FAM120B: variants seen among roughly 807,000 people sequenced by gnomAD.
FAM120B encodes family with sequence similarity 120 member B.
Under a neutral mutation model 96.3 loss-of-function variants are expected in FAM120B, and 83 were observed. The ratio of observed to expected loss-of-function variants is 0.86; its 90% CI spans 0.72 to 1.03. FAM120B has a LOEUF of 1.03. Among genes scored for constraint, FAM120B ranks in the 50% least tolerant of loss-of-function variants. The pLI is 0.00. For missense variants in FAM120B, 1,027 were observed against 1,121.2 expected (o/e 0.92, Z 1.20); for synonymous variants, 407 against 402.7 (o/e 1.01, Z -0.13).
chr6:170,380,629 G>C (rs889277355), intron 6 of FAM120B, among the ~76,000 whole-genome samples: 4 of 152,202 alleles, frequency 2.6e-5, no homozygotes, highest in African/African-American at 7.2e-5. Context: ...TATGCCTGCT[G>C]ACCATTTGTG....
In FAM120B at chr6:170,391,122, G is replaced by A; in HGVS notation, c.2599+1G>A. 1 of 1,610,232 alleles carries A rather than the reference G, an allele frequency of 6.2e-7. No individual in the cohort carries two copies. ...GCCCACTGGGGCTCACACCACGCAG[G>A]TGGGAAAGGGCCAGGTGCCTCTAGA... On this transcript the variant is annotated splice_donor_variant, in intron 8 of 10. Coordinates refer to ENST00000476287, the MANE Select transcript of FAM120B (RefSeq NM_032448.3). LOFTEE classifies it high-confidence loss of function.
chr6:170,388,393 G>C lies in FAM120B; in HGVS notation c.2390G>C (p.Ser797Thr). ...GCATGTGGCTTCCCCTGGAAGACGA[G>C]TGATTTCATGCCCTGGAATGTATTT... ...NSACGFPWKT[S>T]DFMPWNVFDG... The change falls in exon 7 of 11, where the codon AGT becomes ACT. Residue 797 changes from serine (S) to threonine (T), a missense_variant. This residue lies in a region of FAM120B where 880 missense variants were observed against 980.9 expected (regional missense o/e 0.90). Coordinates refer to ENST00000476287, the MANE Select transcript of FAM120B (RefSeq NM_032448.3). 1 of 1,614,168 alleles carries C rather than the reference G, an allele frequency of 6.2e-7. No homozygotes were observed. The highest frequency in any genetic ancestry group is 1.1e-5 in the South Asian group (1 of 91,078).
At chr6:170,403,896 A>G (rs1037248013) in intron 9 of FAM120B, among the ~76,000 whole-genome samples, 1 of 152,008 alleles carries the variant, frequency 6.6e-6, no homozygotes, top group African/African-American at 2.4e-5. Flanking sequence ...CGGAGCCCAC[A>G]CTTTTGGGGG....
At chr6:170,358,402 C>A in intron 6 of FAM120B, 84 bp downstream of exon 6, 1 of 999,354 alleles carries the variant, frequency 1.0e-6, no homozygotes, top group Non-Finnish European at 1.5e-6. Flanking sequence ...GTTGAAGTTT[C>A]ACAGAAAAGA....
chr6:170,355,828 G>A (rs1356547149), intron 5 of FAM120B, among the ~76,000 whole-genome samples: 1 of 152,184 alleles, frequency 6.6e-6, no homozygotes, highest in East Asian at 1.9e-4. Flanking sequence ...ATAATCTACA[G>A]GTGTCTGTAG....
intron 5 of FAM120B, among the ~76,000 whole-genome samples, chr6:170,352,202 A>C (rs1242063286): frequency 2.0e-5 from 3 of 152,248 alleles, no homozygotes; most frequent in Non-Finnish European, 4.4e-5. Flanking sequence ...AGTATTACAT[A>C]ATGGTAGAGG....
At chr6:170,351,169 G>A (rs1787550390) in intron 5 of FAM120B, among the ~76,000 whole-genome samples, 1 of 152,172 alleles carries the variant, frequency 6.6e-6, no homozygotes, top group Non-Finnish European at 1.5e-5. Flanking sequence ...AGTGTCAATA[G>A]CAGAATAGAC....
upstream of FAM120B, among the ~76,000 whole-genome samples, chr6:170,302,856 T>C (rs1784170998): frequency 6.6e-6 from 1 of 152,236 alleles, no homozygotes; most frequent in Non-Finnish European, 1.5e-5. Flanking sequence ...GTAACTCTTC[T>C]TGCTCTTGTT....
chr6:170,300,280 G>A (rs1352658613), intron 1 of FAM120B, among the ~76,000 whole-genome samples: 3 of 152,160 alleles, frequency 2.0e-5, no homozygotes, highest in Non-Finnish European at 2.9e-5. Flanking sequence ...GCAGAGCAAA[G>A]GACGGGAAAA....
chr6:170,340,135 G>A (rs769607079), intron 4 of FAM120B, among the ~76,000 whole-genome samples: 10 of 152,226 alleles, frequency 6.6e-5, no homozygotes, highest in East Asian at 1.9e-4. Flanking sequence ...CCAGTCCATC[G>A]TAGGTTTGGT....
Position 170,393,938 on chromosome 6 carries a change from C to G in FAM120B, c.2600-1549C>G, listed in dbSNP as rs1361076144. On this transcript the variant is annotated intron_variant, in intron 8 of 10. Transcript: ENST00000476287. ...GCTACTCGGTGTGTTGGCCTCTGGA[C>G]CCAAGCTGACAGCTGTGAGCTCACA... 2.0e-5 allele frequency among the ~76,000 whole-genome samples: 3 copies of G among 152,182 alleles called. No individual in the cohort carries two copies. The East Asian group carries it at 5.8e-4, about 29-fold the overall frequency.
In FAM120B at chr6:170,295,494, G is replaced by A. The variant is rs1411178570; in HGVS notation, c.48+41G>A. The A allele has an allele frequency of 5.8e-6, 4 of 693,348 alleles. No individual in the cohort carries two copies. Among genetic ancestry groups the A allele is most frequent in the Non-Finnish European group, 1.1e-5 (4 of 380,670 alleles). 42.9% of individuals were successfully genotyped at this position (693,348 alleles called of 1,614,324 possible). A position where few individuals can be genotyped will look rare whatever the true frequency, so the allele number is the denominator to read the frequency against. ...GTGCACACAAGGCGCGCGGCCCCCA[G>A]GCAGCCGCGCTTCCACAGCGGGCAG... On this transcript the variant is annotated intron_variant, in intron 1 of 10. Coordinates refer to the FAM120B transcript ENST00000537664. The surrounding 1 kb of genome is among the most constrained non-coding windows in gnomAD (Gnocchi z 7.8).
At chr6:170,380,601 A>G (rs1483765805) in intron 6 of FAM120B, among the ~76,000 whole-genome samples, 1 of 152,228 alleles carries the variant, frequency 6.6e-6, no homozygotes, top group African/African-American at 2.4e-5. Context: ...CCTGGTGATT[A>G]GTGTCGGACA....
intron 1 of FAM120B, among the ~76,000 whole-genome samples, chr6:170,316,929 CT>C (rs1008238388): frequency 3.7e-4 from 57 of 152,130 alleles, no homozygotes; most frequent in African/African-American, 1.2e-3. Context: ...ATAGTGTGTA[CT>C]TTTTTTGTCT....
intron 8 of FAM120B, among the ~76,000 whole-genome samples, chr6:170,393,227 C>T (rs1294974308): frequency 3.3e-5 from 5 of 151,312 alleles, no homozygotes; most frequent in Admixed American, 1.3e-4. Flanking sequence ...AGGTTGTCAG[C>T]GAAGCCATGA....
At chr6:170,323,464 C>A (rs1313013146) in intron 3 of FAM120B, among the ~76,000 whole-genome samples, 1 of 152,140 alleles carries the variant, frequency 6.6e-6, no homozygotes, top group Non-Finnish European at 1.5e-5. Flanking sequence ...ATCTAATGAA[C>A]AGTAAGTTGA....
chr6:170,299,792 G>A (rs112545745), intron 1 of FAM120B, among the ~76,000 whole-genome samples: 8 of 152,328 alleles, frequency 5.3e-5, no homozygotes, highest in African/African-American at 1.9e-4. Context: ...TGGTTTGAGT[G>A]CTGGTTGATG....
At chr6:170,315,377 C>T (rs1414806540) in intron 1 of FAM120B, among the ~76,000 whole-genome samples, 2 of 152,304 alleles carry the variant, frequency 1.3e-5, no homozygotes, top group African/African-American at 4.8e-5. Context: ...CAACACCTGT[C>T]CCCTGCCTAC....
At chr6:170,362,499 A>G (rs2881062) in intron 6 of FAM120B, among the ~76,000 whole-genome samples, 18,330 of 152,014 alleles carry the variant, frequency 0.12, 1,375 homozygotes, top group African/African-American at 0.21. Flanking sequence ...TCATTTTGTA[A>G]AGTCCTCTGT....
Sources: allele counts gnomAD v4.1 joint callset (sites outside exome capture counted in the v4.1 genomes callset), GRCh38; gene constraint gnomAD v4.1.1; regional missense constraint gnomAD v4.1.1; non-coding constraint Gnocchi (gnomAD v3.1); transcripts MANE v1.5; gene names NCBI Gene and HGNC (gene_info 2026-07-23, HGNC 2026-07-21).